DDR2: variants seen among roughly 807,000 people sequenced by gnomAD.
DDR2 encodes discoidin domain-containing receptor 2.
In DDR2, 27 loss-of-function variants were observed where a neutral mutation model predicts 94.9. That is an observed-to-expected ratio of 0.28 (90% confidence interval 0.21 to 0.39). DDR2 has a LOEUF of 0.39. Among genes scored for constraint, DDR2 ranks in the 10% least tolerant of loss-of-function variants. The pLI is 1.00. For synonymous variants in DDR2, 382 were observed against 377.2 expected (o/e 1.01, Z -0.15); for missense variants, 783 against 1,076.0 (o/e 0.73, Z 3.81).
intron 1 of DDR2, among the ~76,000 whole-genome samples, chr1:162,651,709 A>C (rs972828251): frequency 2.6e-5 from 4 of 152,240 alleles, no homozygotes; most frequent in African/African-American, 9.6e-5. Flanking sequence ...TTAAAACAAT[A>C]ATCTATTGAA....
At chr1:162,639,664 A>T (rs1194437831) in intron 1 of DDR2, among the ~76,000 whole-genome samples, 1 of 152,144 alleles carries the variant, frequency 6.6e-6, no homozygotes, top group Non-Finnish European at 1.5e-5. Context: ...GTAAACTTCC[A>T]CTCTGTGAAA....
intron 2 of DDR2, among the ~76,000 whole-genome samples, chr1:162,682,880 A>G (rs1263124911): frequency 6.6e-6 from 1 of 152,222 alleles, no homozygotes; most frequent in Non-Finnish European, 1.5e-5. Flanking sequence ...GCCCCTTTGA[A>G]TATAATGATA....
chr1:162,747,063 A>G (rs944638962), intron 3 of DDR2, among the ~76,000 whole-genome samples: 1 of 152,244 alleles, frequency 6.6e-6, no homozygotes, highest in Non-Finnish European at 1.5e-5. Flanking sequence ...ATGGGGAGAA[A>G]CCAGAGCAGA....
intron 2 of DDR2, among the ~76,000 whole-genome samples, chr1:162,707,938 AACCCACAG>A (rs1471102262): frequency 6.6e-6 from 1 of 152,162 alleles, no homozygotes; most frequent in Non-Finnish European, 1.5e-5. Context: ...AGTGTCCCTA[AACCCACAG>A]ACTAGTTAGT....
intron 3 of DDR2, among the ~76,000 whole-genome samples, chr1:162,751,014 T>G (rs1663167297): frequency 6.6e-6 from 1 of 152,216 alleles, no homozygotes. Context: ...ATCAAAGACT[T>G]AAATGTTAGA....
rs375251287 is a variant in DDR2 at position 162,764,392 on chromosome 1, TA to T, written c.1100-1590del. ...GGAAGATGAAAGATACAGAATGCTT[TA>T]AAAAAAAAAAAAAAAAAAGAAATGT... On this transcript the variant is annotated intron_variant, in intron 9 of 17. Transcript: ENST00000367921. Among the ~76,000 whole-genome samples the T allele has an allele frequency of 2.5e-3, 301 of 122,588 alleles. 1 individual carries two copies. The highest frequency in any genetic ancestry group is 3.1e-3 in the Non-Finnish European group (185 of 60,460). 80.4% of individuals were successfully genotyped at this position (122,588 alleles called of 152,430 possible).
At chr1:162,728,043 A>G (rs1180891381) in intron 3 of DDR2, among the ~76,000 whole-genome samples, 1 of 130,700 alleles carries the variant, frequency 7.7e-6, no homozygotes, top group African/African-American at 2.9e-5. Flanking sequence ...ATCTATATAT[A>G]TCTATATATA....
intron 2 of DDR2, among the ~76,000 whole-genome samples, chr1:162,705,751 AGGCCAGCTTACTGTCATCTG>A (rs1660632302): frequency 6.6e-6 from 1 of 152,222 alleles, no homozygotes. Context: ...TCAGGCCCAG[AGGCCAGCTTACTGTCATCTG>A]GCTAAGTTTC....
In DDR2 at chr1:162,782,335, G is replaced by C. The variant is rs1780000; in HGVS notation, c.*2089G>C. 145,444 of 152,290 alleles carry C rather than the reference G, an allele frequency of 0.96. 69,815 individuals carry two copies. The highest frequency in any genetic ancestry group is 1 in the East Asian group (5,192 of 5,192). The allele number at this position is 152,290 out of a possible 1,614,324, so 9.4% of individuals were successfully genotyped here. ...TATAACTGATGGGTTTAGTAATCTG[G>C]TCATTTCTTGCTCTGAAAATTGTAG... On this transcript the variant is annotated 3_prime_UTR_variant, in exon 18 of 18. Transcript: ENST00000367921.
At chr1:162,767,827 T>TGTGTGTGTGTGC (rs1425605088) in intron 11 of DDR2, among the ~76,000 whole-genome samples, 4 of 152,166 alleles carry the variant, frequency 2.6e-5, no homozygotes, top group African/African-American at 9.7e-5. Flanking sequence ...TGTGTGTGTG[T>TGTGTGTGTGTGC]GTGTGTAGAA....
chr1:162,694,187 T>A (rs1660081822), intron 2 of DDR2, among the ~76,000 whole-genome samples: 1 of 152,222 alleles, frequency 6.6e-6, no homozygotes, highest in Non-Finnish European at 1.5e-5. Flanking sequence ...TTTTCTCTTC[T>A]GATTTTAAGT....
At chr1:162,719,013 T>C in intron 2 of DDR2, 24 bp from the exon 3 acceptor site, 1 of 1,609,596 alleles carries the variant, frequency 6.2e-7, no homozygotes, top group Non-Finnish European at 8.5e-7. Flanking sequence ...CTTTCTGTTT[T>C]CTTGCATTAT....
intron 2 of DDR2, among the ~76,000 whole-genome samples, chr1:162,661,102 C>A (rs1658271622): frequency 6.6e-6 from 1 of 152,152 alleles, no homozygotes; most frequent in Non-Finnish European, 1.5e-5. Flanking sequence ...TCCCAGGCAA[C>A]CCACAAAGGG....
chr1:162,761,653 A>T (rs1315425454), intron 9 of DDR2, among the ~76,000 whole-genome samples, 199 bp downstream of exon 9: 1 of 152,202 alleles, frequency 6.6e-6, no homozygotes, highest in Non-Finnish European at 1.5e-5. Context: ...TGAACAAAAT[A>T]TGCACGTAAC....
intron 2 of DDR2, among the ~76,000 whole-genome samples, chr1:162,669,070 C>A (rs1229751405): frequency 2.0e-5 from 3 of 152,158 alleles, no homozygotes; most frequent in South Asian, 4.1e-4. Flanking sequence ...AATATTATAA[C>A]CTTTGCTCAT....
chr1:162,634,111 G>A lies in DDR2; in HGVS notation c.-192+1480G>A, dbSNP rs118000192. On this transcript the variant is annotated intron_variant, in intron 1 of 17. Transcript: ENST00000367921. ...ATTCCATATTTCACTGGCTGATCAGGAGGTGAAGGTGTCAGGCTATGGGAG... is the reference window on the plus strand; with the variant it reads ...ATTCCATATTTCACTGGCTGATCAGAAGGTGAAGGTGTCAGGCTATGGGAG... Among the ~76,000 whole-genome samples the A allele has an allele frequency of 3.3e-3, 505 of 152,264 alleles. 8 individuals carry two copies. Among genetic ancestry groups the A allele is most frequent in the East Asian group, 0.031 (160 of 5,182 alleles).
chr1:162,681,625 G>A (rs998725227), intron 2 of DDR2, among the ~76,000 whole-genome samples: 2 of 152,160 alleles, frequency 1.3e-5, no homozygotes, highest in East Asian at 3.9e-4. Context: ...AGGCCTGCTT[G>A]CTGGTTCAGA....
intron 10 of DDR2, 51 bp downstream of exon 10, chr1:162,766,114 G>A (rs745865832): frequency 6.3e-7 from 1 of 1,595,268 alleles, no homozygotes; most frequent in East Asian, 2.2e-5. Context: ...CTTACTGGGG[G>A]ATGAAGAAGG....
intron 1 of DDR2, among the ~76,000 whole-genome samples, chr1:162,646,045 C>T (rs1199681587): frequency 6.6e-6 from 1 of 152,184 alleles, no homozygotes; most frequent in Non-Finnish European, 1.5e-5. Context: ...TGCCTCATGC[C>T]ATGCAACGAC....
Sources: gnomAD v4.1 joint callset for allele counts (sites outside exome capture counted in the v4.1 genomes callset) on GRCh38, gnomAD v4.1.1 for gene constraint, MANE v1.5 for transcripts, NCBI Gene and HGNC (gene_info 2026-07-23, HGNC 2026-07-21) for gene names.